Variants in SYTL2 observed in about 807,000 individuals in gnomAD.
SYTL2 encodes synaptotagmin-like protein 2.
In SYTL2, 165 loss-of-function variants were observed where a neutral mutation model predicts 198.7. The ratio of observed to expected loss-of-function variants is 0.83; its 90% CI spans 0.73 to 0.94. The LOEUF is 0.94. SYTL2 is among the 40% of genes least tolerant of loss of function. SYTL2 has a pLI of 0.00. For synonymous variants in SYTL2, 966 were observed against 917.7 expected, an observed-to-expected ratio of 1.05 and a Z score of -0.95; for missense variants, 2,835 against 2,582.8, an observed-to-expected ratio of 1.10 and a Z score of -2.12.
chr11:85,729,775 C>A (rs1008059469), intron 7 of SYTL2, among the ~76,000 whole-genome samples: 1 of 152,212 alleles, frequency 6.6e-6, no homozygotes, highest in East Asian at 1.9e-4. Flanking sequence ...ACACAAAAAA[C>A]CCTTCAAAAA....
At chr11:85,763,885 T>C (rs2092165232) in intron 1 of SYTL2, among the ~76,000 whole-genome samples, 1 of 152,264 alleles carries the variant, frequency 6.6e-6, no homozygotes, top group African/African-American at 2.4e-5. Flanking sequence ...CATCAAAGGA[T>C]GGAAGGAAGG....
Position 85,698,061 on chromosome 11 carries a change from T to C in SYTL2, c.6286A>G (p.Thr2096Ala), listed in dbSNP as rs200001290. The C allele has an allele frequency of 8.1e-6, 13 of 1,613,530 alleles. No individual in the cohort carries two copies. In the Admixed American group the frequency reaches 1.0e-4, roughly 12 times the overall value. ...TTCACCCAGATGTGCACTTCTCCAGTTGTAGGAAGCTTTTTACCTACAATA... is the reference window on the plus strand; with the variant it reads ...TTCACCCAGATGTGCACTTCTCCAGCTGTAGGAAGCTTTTTACCTACAATA... ...EPVPGKKLPT[T>A]GEVHIWVKEC... Residue 2096 changes from threonine to alanine, a missense_variant, in exon 18 of 20, where the codon ACT (threonine) becomes GCT (alanine). Thr to Ala is a moderately conservative substitution (Grantham distance 58). Around this residue, in one of 3 missense-constraint regions of SYTL2, gnomAD observed 185 missense variants for 182.1 expected, o/e 1.02. Transcript: ENST00000359152.
chr11:85,750,487 C>A (rs1455542153), intron 2 of SYTL2, among the ~76,000 whole-genome samples: 1 of 152,152 alleles, frequency 6.6e-6, no homozygotes, highest in Non-Finnish European at 1.5e-5. Flanking sequence ...TTCCATTGCT[C>A]CCACAGCACC....
chr11:85,851,852 G>GA, the SYTL2 span, among the ~76,000 whole-genome samples: 1 of 152,132 alleles, frequency 6.6e-6, no homozygotes, highest in East Asian at 1.9e-4. Flanking sequence ...TTTTTCTCCT[G>GA]AATTTGCACT....
In SYTL2 at chr11:85,719,140, G is replaced by A. The variant is rs1471568901; in HGVS notation, c.5429-297C>T. The A allele has an allele frequency of 2.8e-6, 4 of 1,423,962 alleles. No individual in the cohort carries two copies. The African/African-American group carries it at 5.7e-5, about 20-fold the overall frequency. The allele number at this position is 1,423,962 out of a possible 1,614,324, so 88.2% of individuals were successfully genotyped here. A position where few individuals can be genotyped will look rare whatever the true frequency, so the allele number is the denominator to read the frequency against. On this transcript the variant is annotated intron_variant, in intron 9 of 19. Coordinates refer to ENST00000359152, the MANE Select transcript of SYTL2 (RefSeq NM_206927.4). ...TCGGCCAGCAGCAGGAGAAAGCACGGGGCTGCAACAGCCTCTCTATTCTTC... is the reference window on the plus strand; with the variant it reads ...TCGGCCAGCAGCAGGAGAAAGCACGAGGCTGCAACAGCCTCTCTATTCTTC...
intron 16 of SYTL2, 124 bp downstream of exon 16, chr11:85,704,731 TTCC>T (rs1316129856): frequency 2.3e-5 from 15 of 659,320 alleles, no homozygotes; most frequent in Non-Finnish European, 3.2e-5. Context: ...TTTCTTTTTT[TTCC>T]TCTAGTTTAA....
chr11:85,787,136 A>G (rs1268919000), intron 1 of SYTL2, among the ~76,000 whole-genome samples: 2 of 152,188 alleles, frequency 1.3e-5, no homozygotes, highest in African/African-American at 2.4e-5. Flanking sequence ...GCAAGTGCAT[A>G]CATAGCTTTG....
At chr11:85,788,925 G>T (rs897171333) in intron 1 of SYTL2, among the ~76,000 whole-genome samples, 52 of 151,584 alleles carry the variant, frequency 3.4e-4, no homozygotes, top group Admixed American at 2.2e-3. Flanking sequence ...CACAGCACAT[G>T]TGTCAAAGCA....
At chr11:85,780,497 G>A (rs1164251359) in intron 1 of SYTL2, among the ~76,000 whole-genome samples, 5 of 152,192 alleles carry the variant, frequency 3.3e-5, no homozygotes, top group Admixed American at 6.5e-5. Flanking sequence ...CAGCACAAAG[G>A]TTAAGCTAAT....
In SYTL2 at chr11:85,695,077, T is replaced by C. The variant is rs2083230508; in HGVS notation, c.*118A>G. The C allele has an allele frequency of 9.6e-7, 1 of 1,041,080 alleles. No individual in the cohort carries two copies. The highest frequency in any genetic ancestry group is 1.4e-6 in the Non-Finnish European group (1 of 711,990). The allele number at this position is 1,041,080 out of a possible 1,614,324, so 64.5% of individuals were successfully genotyped here. On this transcript the variant is annotated 3_prime_UTR_variant, in exon 20 of 20. Transcript: ENST00000359152. ...TGCAGATTGACTTTTACATGCTGTG[T>C]AGTATTCCTTAGGTGCAATAGATAG...
chr11:85,777,632 C>A (rs1041091199), intron 1 of SYTL2, among the ~76,000 whole-genome samples: 63 of 150,448 alleles, frequency 4.2e-4, no homozygotes, highest in African/African-American at 1.5e-3. Context: ...GATTTAATCC[C>A]CCCCCAACCC....
chr11:85,853,050 GCC>G, the SYTL2 span: 1 of 290,316 alleles, frequency 3.4e-6, no homozygotes, highest in African/African-American at 2.5e-5. Flanking sequence ...AGTGAGGAGC[GCC>G]TCCGCCCGGC....
Position 85,707,334 on chromosome 11 carries a change from G to C in SYTL2, c.6018+95C>G, listed in dbSNP as rs1408691695. On this transcript the variant is annotated intron_variant, in intron 15 of 19. Coordinates refer to ENST00000359152, the MANE Select transcript of SYTL2 (RefSeq NM_206927.4). ...TGTATTCCCTTCCTTCTCCTCTCTT[G>C]GTGACTGACTTTATCCTGTAGAGCT... The C allele has an allele frequency of 1.1e-5, 9 of 796,808 alleles. No homozygotes were observed. The East Asian group carries it at 1.5e-4, about 13-fold the overall frequency. The allele number at this position is 796,808 out of a possible 1,614,324, so 49.4% of individuals were successfully genotyped here.
rs2090094283 is a variant in SYTL2 at position 85,733,989 on chromosome 11, T to C, written c.1340A>G (p.Lys447Arg). 6.2e-7 allele frequency: 1 copy of C among 1,614,050 alleles called. No homozygotes were observed. The highest frequency in any genetic ancestry group is 8.5e-7 in the Non-Finnish European group (1 of 1,180,002). ...NSPTINEPKDKSSELTRLESV... is the reference protein window; with the variant it reads ...NSPTINEPKDRSSELTRLESV... Reference sequence around the variant, plus strand: ...TTCAAGCCTTGTTAATTCTGATGATTTATCTTTGGGTTCATTGATGGTTGG... The same window carrying C: ...TTCAAGCCTTGTTAATTCTGATGATCTATCTTTGGGTTCATTGATGGTTGG... Residue 447 changes from lysine (K) to arginine (R), a missense_variant, in exon 7 of 20, where the codon AAA becomes AGA. Around this residue, in one of 3 missense-constraint regions of SYTL2, gnomAD observed 2,645 missense variants for 2,381.7 expected, o/e 1.11. Transcript: ENST00000359152.
intron 7 of SYTL2, chr11:85,733,475 G>A (rs1401000732): frequency 6.5e-6 from 1 of 153,586 alleles, no homozygotes; most frequent in Non-Finnish European, 1.4e-5. Context: ...CCATTAAGAG[G>A]TATAAACATT....
intron 14 of SYTL2, among the ~76,000 whole-genome samples, chr11:85,708,837 A>ATTTTTTTT (rs72460497): frequency 8.4e-5 from 6 of 71,596 alleles, no homozygotes; most frequent in African/African-American, 1.2e-4. Flanking sequence ...CTTCTCTGTG[A>ATTTTTTTT]TTTTTTTTTT....
In SYTL2 at chr11:85,727,529, T is replaced by C. The variant is rs1331204618; in HGVS notation, c.1829A>G (p.Asn610Ser). The C allele has an allele frequency of 1.3e-6, 2 of 1,536,124 alleles. No homozygotes were observed. Among genetic ancestry groups the C allele is most frequent in the Non-Finnish European group, 1.7e-6 (2 of 1,146,884 alleles). Residue 610 changes from asparagine to serine, a missense_variant, in exon 8 of 20, where the codon AAT becomes AGT. Asn to Ser is a conservative substitution (Grantham distance 46). Coordinates refer to ENST00000359152, the MANE Select transcript of SYTL2 (RefSeq NM_206927.4). ...VSESCQDNNV[N>S]IKSKFMNLSQ... ...CAAATTCATGAATTTGGATTTGATA[T>C]TCACATTATTATCTTGGCAACTTTC...
chr11:85,817,902 CTT>C, the SYTL2 span, among the ~76,000 whole-genome samples: 5 of 109,908 alleles, frequency 4.5e-5, no homozygotes, highest in Admixed American at 9.4e-5. Flanking sequence ...TGTGTCTTTT[CTT>C]TTTTTTTTTT....
rs2153520743 is a variant in SYTL2, at chr11:85,745,757, T to C, written c.269A>G (p.Asp90Gly). 1 of 1,612,518 alleles carries C rather than the reference T, an allele frequency of 6.2e-7. No individual in the cohort carries two copies. Among genetic ancestry groups the C allele is most frequent in the Non-Finnish European group, 8.5e-7 (1 of 1,178,928 alleles). ...RPQIAAEQSK[D>G]RENGAKESWV... Reference sequence around the variant, plus strand: ...GCTTTCCTTTGCCCCATTTTCTCTGTCTTTACTCTGCTCAGCTGAAACAGG... The same window carrying C: ...GCTTTCCTTTGCCCCATTTTCTCTGCCTTTACTCTGCTCAGCTGAAACAGG... Residue 90 changes from aspartate to glycine, a missense_variant, in exon 4 of 20, where the codon GAC becomes GGC. By Grantham distance (94) the Asp-to-Gly change is moderately conservative (BLOSUM62 -1). Around this residue, in one of 3 missense-constraint regions of SYTL2, gnomAD observed 2,645 missense variants for 2,381.7 expected, o/e 1.11. Coordinates refer to ENST00000359152, the MANE Select transcript of SYTL2 (RefSeq NM_206927.4).
Sources: gnomAD v4.1 joint callset for allele counts (sites outside exome capture counted in the v4.1 genomes callset) on GRCh38, gnomAD v4.1.1 for gene constraint, gnomAD v4.1.1 regional missense constraint, MANE v1.5 for transcripts, NCBI Gene and HGNC (gene_info 2026-07-23, HGNC 2026-07-21) for gene names.